The following TBC1D1 variants were observed in gnomAD, a reference collection of about 807,000 sequenced individuals.
TBC1D1 encodes the protein TBC1 domain family member 1.
A neutral mutation model predicts 125.6 loss-of-function variants in TBC1D1; 89 were observed. The observed-to-expected ratio is 0.71, with a 90% CI of 0.60 to 0.85. TBC1D1 has a LOEUF of 0.85. TBC1D1 is among the 40% of genes least tolerant of loss of function. The pLI is 0.00. For synonymous variants in TBC1D1, 565 were observed against 564.1 expected (o/e 1.00, Z -0.02); for missense variants, 1,377 against 1,469.2 (o/e 0.94, Z 1.03).
In TBC1D1 at chr4:37,916,986, G is replaced by A. The variant is rs934204328; in HGVS notation, c.417+14474G>A. On this transcript the variant is annotated intron_variant, in intron 2 of 19. Coordinates refer to ENST00000261439, the MANE Select transcript of TBC1D1 (RefSeq NM_015173.4). Reference sequence around the variant, plus strand: ...GGATTTCACCATGTTGGCCAGGCTGGTCTTGAACTTCTGACCTCAAGTGAT... The same window carrying A: ...GGATTTCACCATGTTGGCCAGGCTGATCTTGAACTTCTGACCTCAAGTGAT... Among the ~76,000 whole-genome samples, 6 of 151,680 alleles carry A rather than the reference G, an allele frequency of 4.0e-5. 1 individual carries two copies. Among genetic ancestry groups the A allele is most frequent in the Admixed American group, 3.9e-4 (6 of 15,230 alleles).
intron 13 of TBC1D1, among the ~76,000 whole-genome samples, chr4:38,090,453 A>G (rs770279567): frequency 3.3e-5 from 5 of 150,214 alleles, no homozygotes; most frequent in Admixed American, 6.6e-5. Flanking sequence ...CTCTCTCTCT[A>G]CTTTATCCTC....
intron 13 of TBC1D1, among the ~76,000 whole-genome samples, chr4:38,092,463 G>T (rs1758581654): frequency 6.6e-6 from 1 of 152,092 alleles, no homozygotes; most frequent in Admixed American, 6.5e-5. Context: ...TGGCACAGTG[G>T]CTCACTCCTG....
At chr4:38,037,129 G>A (rs1162839790) in intron 8 of TBC1D1, among the ~76,000 whole-genome samples, 1 of 151,950 alleles carries the variant, frequency 6.6e-6, no homozygotes, top group Non-Finnish European at 1.5e-5. Flanking sequence ...AAGCATTTAC[G>A]GTGGATGGAA....
Position 38,052,719 on chromosome 4 carries a change from C to CGCGT in TBC1D1, c.1911-1477_1911-1476insTGCG, listed in dbSNP as rs1553926615. On this transcript the variant is annotated intron_variant, in intron 11 of 19. Coordinates refer to ENST00000261439, the MANE Select transcript of TBC1D1 (RefSeq NM_015173.4). ...ATGCGTATATACACACACACGCGCG[C>CGCGT]GCGCGCGCGCACACACACACACACA... 7.2e-3 allele frequency among the ~76,000 whole-genome samples: 523 copies of CGCGT among 72,708 alleles called. 3 individuals are homozygous for CGCGT. The highest frequency in any genetic ancestry group is 0.026 in the African/African-American group (498 of 19,108). 47.7% of individuals were successfully genotyped at this position (72,708 alleles called of 152,430 possible). A position where few individuals can be genotyped will look rare whatever the true frequency, so the allele number is the denominator to read the frequency against.
At chr4:38,096,125 C>T (rs1474067486) in intron 14 of TBC1D1, 35 bp downstream of exon 16, 2 of 1,579,354 alleles carry the variant, frequency 1.3e-6, no homozygotes, top group African/African-American at 1.4e-5. Flanking sequence ...GTCAACCTCA[C>T]CCCTCATTGG....
chr4:37,935,868 G>A (rs563063895), intron 2 of TBC1D1, among the ~76,000 whole-genome samples: 2 of 152,192 alleles, frequency 1.3e-5, no homozygotes, highest in South Asian at 2.1e-4. Context: ...GCCCTAATGT[G>A]CCATGTTCTG....
chr4:37,988,030 T>C (rs987443814), intron 2 of TBC1D1, among the ~76,000 whole-genome samples: 3 of 152,216 alleles, frequency 2.0e-5, no homozygotes, highest in Non-Finnish European at 2.9e-5. Flanking sequence ...CTGTTTAGCC[T>C]TGGCTAGGCG....
chr4:38,010,508 G>A (rs1741248136), intron 2 of TBC1D1, among the ~76,000 whole-genome samples: 1 of 152,190 alleles, frequency 6.6e-6, no homozygotes, highest in Non-Finnish European at 1.5e-5. Flanking sequence ...TACCCAGCTA[G>A]ATGCCTTTAC....
Position 38,108,985 on chromosome 4 carries a change from G to C in TBC1D1, c.2557+5828G>C, listed in dbSNP as rs142662504. On this transcript the variant is annotated intron_variant, in intron 15 of 19. Transcript: ENST00000261439. ...CTGCCTCGCTCGGCCAGGACACACA[G>C]AGCAGCATCGTGCACTTTGAGGGGC... Among the ~76,000 whole-genome samples the C allele has an allele frequency of 7.0e-3, 1,065 of 152,286 alleles. 15 individuals carry two copies. The highest frequency in any genetic ancestry group is 0.025 in the African/African-American group (1,027 of 41,574).
At chr4:38,114,066 T>G (rs1246251445) in intron 15 of TBC1D1, among the ~76,000 whole-genome samples, 1 of 148,428 alleles carries the variant, frequency 6.7e-6, no homozygotes, top group South Asian at 2.1e-4. Context: ...CACACACACC[T>G]GCACACAACC....
intron 2 of TBC1D1, among the ~76,000 whole-genome samples, chr4:38,004,180 A>G (rs531586185): frequency 1.6e-4 from 24 of 152,320 alleles, no homozygotes; most frequent in African/African-American, 5.8e-4. Flanking sequence ...GTTAGGGCTG[A>G]CTTTCTCCTG....
intron 13 of TBC1D1, among the ~76,000 whole-genome samples, chr4:38,095,648 A>T (rs1759198118): frequency 6.6e-6 from 1 of 152,182 alleles, no homozygotes; most frequent in Non-Finnish European, 1.5e-5. Context: ...TAGGGGTAAG[A>T]TGGAAAGAAT....
At chr4:38,035,757 C>T (rs1165091916) in intron 8 of TBC1D1, 59 bp downstream of exon 8, 7 of 1,284,492 alleles carry the variant, frequency 5.4e-6, no homozygotes, top group Non-Finnish European at 7.8e-6. Flanking sequence ...TCTGTATAAA[C>T]AACGTTTTGA....
In TBC1D1 at chr4:38,103,004, C is replaced by G. The variant is rs758971590; in HGVS notation, c.2404C>G (p.Pro802Ala). The change falls in exon 15 of 20, where the codon CCA (proline) becomes GCA (alanine). Residue 802 changes from proline (P) to alanine (A), a missense_variant. By Grantham distance (27) the Pro-to-Ala change is conservative. Coordinates refer to ENST00000261439, the MANE Select transcript of TBC1D1 (RefSeq NM_015173.4). ...GTCTTCTCTCCCTTTTAAAGGTGTGCCACGTCATCACCGAGGTGAAATCTG... is the reference window on the plus strand; with the variant it reads ...GTCTTCTCTCCCTTTTAAAGGTGTGGCACGTCATCACCGAGGTGAAATCTG... The G allele has an allele frequency of 1.2e-6, 2 of 1,613,498 alleles. No individual in the cohort carries two copies. Among genetic ancestry groups the G allele is most frequent in the East Asian group, 2.2e-5 (1 of 44,876 alleles).
chr4:37,988,251 CA>C (rs1468611195), intron 2 of TBC1D1, among the ~76,000 whole-genome samples: 2 of 152,174 alleles, frequency 1.3e-5, no homozygotes, highest in African/African-American at 4.8e-5. Context: ...AAAATGAGAA[CA>C]TTGTGTTAAA....
intron 12 of TBC1D1, among the ~76,000 whole-genome samples, 153 bp from the exon 15 acceptor site, chr4:38,089,779 G>T (rs1758118088): frequency 6.6e-6 from 1 of 152,202 alleles, no homozygotes; most frequent in South Asian, 2.1e-4. Flanking sequence ...CTCAGACGTG[G>T]CTTATGCCAA....
rs376683121 is a variant in TBC1D1 at position 38,133,223 on chromosome 4, G to T, written c.3272G>T (p.Arg1091Leu). Residue 1091 changes from arginine (R) to leucine (L), a missense_variant, in exon 19 of 20, where the codon CGC (arginine) becomes CTC (leucine). Physicochemically the swap from Arg to Leu is moderately radical, Grantham distance 102. Transcript: ENST00000261439. ...TTAGAGAAAACCAACAGCAGCTTAC[G>T]CAAACAGAACCTTGACCTCCTTGAA... 2.5e-6 allele frequency: 4 copies of T among 1,614,084 alleles called. No homozygotes were observed. The highest frequency in any genetic ancestry group is 1.3e-5 in the African/African-American group (1 of 75,024).
chr4:37,951,691 T>C (rs1056497740), intron 2 of TBC1D1, among the ~76,000 whole-genome samples: 6 of 152,212 alleles, frequency 3.9e-5, no homozygotes, highest in African/African-American at 9.7e-5. Flanking sequence ...AAGTGGACTT[T>C]CGATATTTGA....
intron 19 of TBC1D1, among the ~76,000 whole-genome samples, chr4:38,133,836 C>A (rs1490869949): frequency 6.6e-6 from 1 of 152,164 alleles, no homozygotes; most frequent in African/African-American, 2.4e-5. Flanking sequence ...ACTGTGCACG[C>A]AGGAGGGTGT....
Sources: allele counts gnomAD v4.1 joint callset (sites outside exome capture counted in the v4.1 genomes callset), GRCh38; gene constraint gnomAD v4.1.1; transcripts MANE v1.5; gene names NCBI Gene and HGNC (gene_info 2026-07-23, HGNC 2026-07-21).